KCNJ1: variants seen among roughly 807,000 people sequenced by gnomAD.
KCNJ1 encodes potassium inwardly rectifying channel subfamily J member 1, also known as ATP-sensitive inward rectifier potassium channel 1.
A neutral mutation model predicts 21.9 loss-of-function variants in KCNJ1; 24 were observed. The observed-to-expected ratio is 1.10, with a 90% confidence interval of 0.79 to 1.54. The LOEUF (loss-of-function observed/expected upper bound fraction) is 1.54. Among genes scored for constraint, KCNJ1 ranks in the 40% most tolerant of loss-of-function variants. KCNJ1 has a pLI of 0.00. For synonymous variants in KCNJ1, 152 were observed against 160.9 expected (o/e 0.94, Z 0.42); for missense variants, 457 against 455.4 (o/e 1.00, Z -0.03).
intron 2 of KCNJ1, among the ~76,000 whole-genome samples, chr11:128,841,647 T>C (rs1325850061): frequency 6.6e-6 from 1 of 152,176 alleles, no homozygotes; most frequent in Admixed American, 6.5e-5. Context: ...TCGTAAGAAC[T>C]AGGAAGCGAA....
At position 128,842,278 on chromosome 11, in the gene KCNJ1, C is replaced by G. The variant is rs926545374; in HGVS notation, c.-21-2014G>C. 5 of 1,235,998 alleles carry G rather than the reference C, an allele frequency of 4.0e-6. No homozygotes were observed. The Admixed American group carries it at 8.9e-5, about 22-fold the overall frequency. The allele number at this position is 1,235,998 out of a possible 1,614,324, so 76.6% of individuals were successfully genotyped here. ...ATTTCTGTAGAGTGAAGAAGTACCCCCTGATTGATCACTTGAATAACGTTG... is the reference window on the plus strand; with the variant it reads ...ATTTCTGTAGAGTGAAGAAGTACCCGCTGATTGATCACTTGAATAACGTTG... On this transcript the variant is annotated intron_variant, in intron 2 of 2. Coordinates refer to ENST00000392666, the MANE Select transcript of KCNJ1 (RefSeq NM_153766.3).
At chr11:128,841,638 C>T (rs1032082510) in intron 2 of KCNJ1, among the ~76,000 whole-genome samples, 7 of 152,076 alleles carry the variant, frequency 4.6e-5, no homozygotes, top group Admixed American at 2.6e-4. Context: ...TGTGTTTATT[C>T]GTAAGAACTA....
intron 1 of KCNJ1, among the ~76,000 whole-genome samples, chr11:128,853,848 A>T (rs1020699925): frequency 4.6e-5 from 7 of 152,188 alleles, no homozygotes; most frequent in Non-Finnish European, 1.0e-4. Context: ...AGGCACCACC[A>T]TCAGAATGAT....
intron 1 of KCNJ1, among the ~76,000 whole-genome samples, chr11:128,853,723 C>T (rs1214776330): frequency 6.6e-6 from 1 of 152,146 alleles, no homozygotes; most frequent in Admixed American, 6.5e-5. Context: ...ACAGTACAGT[C>T]GCGACCGACT....
In KCNJ1 at chr11:128,865,436, C is replaced by A. The variant is rs11221483; in HGVS notation, c.-192+1737G>T. ...CCTAGCATCCAAAACACAATGAGTT[C>A]TAATTACAAGCTTGTTGAAAGGCAA... On this transcript the variant is annotated intron_variant, in intron 1 of 2. Transcript: ENST00000392666. Among the ~76,000 whole-genome samples the A allele has an allele frequency of 2.0e-3, 297 of 152,016 alleles. 6 individuals are homozygous for A. The East Asian group carries it at 0.04, about 21-fold the overall frequency.
chr11:128,847,733 C>G (rs1395258208), intron 2 of KCNJ1, among the ~76,000 whole-genome samples: 2 of 152,232 alleles, frequency 1.3e-5, no homozygotes, highest in African/African-American at 4.8e-5. Context: ...GAAGCCTGAA[C>G]CCGGGCAGGG....
intron 2 of KCNJ1, among the ~76,000 whole-genome samples, chr11:128,840,779 A>G (rs1943269814): frequency 6.6e-6 from 1 of 152,246 alleles, no homozygotes; most frequent in Admixed American, 6.5e-5. Context: ...ATGTACTTCT[A>G]TTGATACTCA....
At chr11:128,866,515 C>T (rs923724785) in intron 1 of KCNJ1, 3 of 968,254 alleles carry the variant, frequency 3.1e-6, no homozygotes, top group Non-Finnish European at 3.7e-6. Flanking sequence ...GGAGAAGGGG[C>T]TCCATACCTG....
At chr11:128,862,875 C>T (rs1009786443) in intron 1 of KCNJ1, among the ~76,000 whole-genome samples, 1 of 152,206 alleles carries the variant, frequency 6.6e-6, no homozygotes, top group Admixed American at 6.5e-5. Context: ...CAGCATGAGA[C>T]CGGGATTACC....
intron 1 of KCNJ1, among the ~76,000 whole-genome samples, chr11:128,859,901 T>C: frequency 6.6e-6 from 1 of 152,198 alleles, no homozygotes; most frequent in East Asian, 1.9e-4. Context: ...GAAGTGACCT[T>C]GAAAAGTACC....
At chr11:128,850,214 C>T (rs991244763) in intron 2 of KCNJ1, among the ~76,000 whole-genome samples, 17 of 152,076 alleles carry the variant, frequency 1.1e-4, no homozygotes, top group African/African-American at 3.6e-4. Flanking sequence ...TTCTTGACCT[C>T]AAGTTAAATG....
chr11:128,857,674 A>G (rs1943613248), intron 1 of KCNJ1, among the ~76,000 whole-genome samples: 1 of 152,216 alleles, frequency 6.6e-6, no homozygotes, highest in Non-Finnish European at 1.5e-5. Context: ...TGCTCACTGA[A>G]CTAATGACCA....
intron 1 of KCNJ1, among the ~76,000 whole-genome samples, chr11:128,854,696 C>A (rs1003973488): frequency 6.6e-6 from 1 of 152,186 alleles, no homozygotes; most frequent in Non-Finnish European, 1.5e-5. Context: ...ATGTTCCTTG[C>A]GTACTTCCTG....
chr11:128,858,916 C>A (rs889081317), intron 1 of KCNJ1, among the ~76,000 whole-genome samples: 2 of 152,204 alleles, frequency 1.3e-5, no homozygotes, highest in African/African-American at 4.8e-5. Flanking sequence ...GACTTTGGCA[C>A]AGACCTGAAA....
At chr11:128,858,202 T>G in intron 1 of KCNJ1, among the ~76,000 whole-genome samples, 1 of 150,020 alleles carries the variant, frequency 6.7e-6, no homozygotes, top group African/African-American at 2.5e-5. Flanking sequence ...TGAGAAGGGA[T>G]GCGGAGGCAA....
chr11:128,843,434 G>A (rs902389722), intron 2 of KCNJ1, among the ~76,000 whole-genome samples: 5 of 152,134 alleles, frequency 3.3e-5, no homozygotes, highest in Non-Finnish European at 5.9e-5. Flanking sequence ...CAAAACAAGC[G>A]GATTACATTA....
At chr11:128,850,982 G>T in intron 1 of KCNJ1, 92 bp from the exon 2 acceptor site, 2 of 569,136 alleles carry the variant, frequency 3.5e-6, no homozygotes, top group Non-Finnish European at 4.4e-6. Context: ...TTTGGACCAG[G>T]AACACACAGG....
At chr11:128,854,100 T>G (rs976446300) in intron 1 of KCNJ1, among the ~76,000 whole-genome samples, 17 of 141,864 alleles carry the variant, frequency 1.2e-4, no homozygotes, top group African/African-American at 4.4e-4. Context: ...GGTGTTTGGT[T>G]ACGATCCTGG....
chr11:128,861,330 T>C (rs1381503179), intron 1 of KCNJ1, among the ~76,000 whole-genome samples: 1 of 152,154 alleles, frequency 6.6e-6, no homozygotes, highest in Non-Finnish European at 1.5e-5. Flanking sequence ...TTGGGGGCCC[T>C]AGTGGGGCTG....
Sources: allele counts gnomAD v4.1 joint callset (sites outside exome capture counted in the v4.1 genomes callset), GRCh38; gene constraint gnomAD v4.1.1; transcripts MANE v1.5; gene names NCBI Gene and HGNC (gene_info 2026-07-23, HGNC 2026-07-21).